NYAP2: variants seen among roughly 807,000 people sequenced by gnomAD.
NYAP2 encodes the protein neuronal tyrosine-phosphorylated phosphoinositide-3-kinase adaptor 2, also known as neuronal tyrosine-phosphorylated phosphoinositide-3-kinase adapter 2.
NYAP2 carries 23 observed loss-of-function variants against 50.4 expected under a neutral mutation model. That is an observed-to-expected ratio of 0.46 (90% CI 0.33 to 0.65). NYAP2 has a LOEUF of 0.65. Ranked by LOEUF, NYAP2 falls within the 30% of genes least tolerant of loss-of-function variation. NYAP2 has a pLI of 0.02. For missense variants in NYAP2, 885 were observed against 861.0 expected, an observed-to-expected ratio of 1.03 and a Z score of -0.35; for synonymous variants, 394 against 365.2, an observed-to-expected ratio of 1.08 and a Z score of -0.90.
chr2:225,426,661 A>G (rs1031101133), intron 3 of NYAP2, among the ~76,000 whole-genome samples: 1 of 152,218 alleles, frequency 6.6e-6, no homozygotes, highest in African/African-American at 2.4e-5. Flanking sequence ...CCAAAGTATG[A>G]AACGATTCTT....
At chr2:225,568,902 G>T (rs1050169963) in intron 4 of NYAP2, among the ~76,000 whole-genome samples, 1 of 152,124 alleles carries the variant, frequency 6.6e-6, no homozygotes, top group Non-Finnish European at 1.5e-5. Context: ...TACTCTGAAG[G>T]TTTCCTGAAA....
At chr2:225,540,025 A>G (rs1032636726) in intron 4 of NYAP2, among the ~76,000 whole-genome samples, 14 of 152,174 alleles carry the variant, frequency 9.2e-5, no homozygotes, top group African/African-American at 3.1e-4. Flanking sequence ...AACAAGCATC[A>G]CTTTTGCTCC....
the NYAP2 span, among the ~76,000 whole-genome samples, chr2:225,686,515 C>T: frequency 6.6e-6 from 1 of 152,120 alleles, no homozygotes; most frequent in Non-Finnish European, 1.5e-5. Context: ...CTTACAGAAG[C>T]ATAAATATGT....
chr2:225,414,269 T>C (rs1295859330), intron 3 of NYAP2, among the ~76,000 whole-genome samples: 1 of 152,202 alleles, frequency 6.6e-6, no homozygotes, highest in Non-Finnish European at 1.5e-5. Context: ...CTTAGTGTTT[T>C]TCTTAACAGC....
chr2:225,672,252 A>G, the NYAP2 span, among the ~76,000 whole-genome samples: 1 of 152,094 alleles, frequency 6.6e-6, no homozygotes, highest in Non-Finnish European at 1.5e-5. Flanking sequence ...TTCATCAGTT[A>G]TTTTAGCTAG....
At position 225,527,394 on chromosome 2, in the gene NYAP2, T is replaced by C. The variant is rs1048259435; in HGVS notation, c.523+13722T>C. ...TTGGGTTAGGAGTCAGCTCAGGATT[T>C]TCCAAGGCTTCAATCTAGGGTGTCA... On this transcript the variant is annotated intron_variant, in intron 4 of 6. Transcript: ENST00000636099. Among the ~76,000 whole-genome samples the C allele has an allele frequency of 2.6e-4, 39 of 152,218 alleles. 1 individual carries two copies. The highest frequency in any genetic ancestry group is 9.2e-4 in the African/African-American group (38 of 41,462).
chr2:225,500,551 AT>A lies in NYAP2; in HGVS notation c.222-12816del, dbSNP rs538114027. 3.3e-3 allele frequency among the ~76,000 whole-genome samples: 507 copies of A among 152,270 alleles called. 1 individual carries two copies. Among genetic ancestry groups the A allele is most frequent in the Non-Finnish European group, 5.7e-3 (389 of 68,008 alleles). On this transcript the variant is annotated intron_variant, in intron 3 of 6. Coordinates refer to ENST00000636099, the Ensembl canonical transcript of NYAP2. ...ATTTCACTGTGCTCAAATATTTTCAATTTTCAGGTACTTTCTATAAAGTCTT... is the reference window on the plus strand; with the variant it reads ...ATTTCACTGTGCTCAAATATTTTCAATTTCAGGTACTTTCTATAAAGTCTT...
chr2:225,469,218 C>T (rs961396622), intron 3 of NYAP2, among the ~76,000 whole-genome samples: 1 of 152,158 alleles, frequency 6.6e-6, no homozygotes, highest in Non-Finnish European at 1.5e-5. Context: ...TGGATAGACA[C>T]TTCTCAAAAT....
At chr2:225,505,112 T>C (rs1176308729) in intron 3 of NYAP2, among the ~76,000 whole-genome samples, 1 of 152,194 alleles carries the variant, frequency 6.6e-6, no homozygotes, top group Non-Finnish European at 1.5e-5. Context: ...TTTTTTCTTG[T>C]CATTTTATTT....
chr2:225,487,653 C>T (rs1346581873), intron 3 of NYAP2, among the ~76,000 whole-genome samples: 1 of 152,164 alleles, frequency 6.6e-6, no homozygotes, highest in Non-Finnish European at 1.5e-5. Context: ...AGCCACCACG[C>T]CTGGCAAACT....
At chr2:225,500,383 G>C in intron 3 of NYAP2, among the ~76,000 whole-genome samples, 1 of 152,136 alleles carries the variant, frequency 6.6e-6, no homozygotes, top group African/African-American at 2.4e-5. Flanking sequence ...TGCTTCCTTG[G>C]TAGTTCATTT....
rs11346817 is a variant in NYAP2 at position 225,548,886 on chromosome 2, A to ATTTTT, written c.524-33045_524-33041dup. Among the ~76,000 whole-genome samples the ATTTTT allele has an allele frequency of 1.6e-3, 238 of 146,682 alleles. 1 individual carries two copies. The highest frequency in any genetic ancestry group is 2.6e-3 in the Non-Finnish European group (175 of 66,264). On this transcript the variant is annotated intron_variant, in intron 4 of 6. Coordinates refer to ENST00000636099, the Ensembl canonical transcript of NYAP2. The stretch of plus-strand genomic sequence containing the variant: ...AAGTAAAATTTCTCAGAATGCAGCA[A>ATTTTT]TTTTTTTTTTTTTTGAGGCAGGGTC...
intron 5 of NYAP2, among the ~76,000 whole-genome samples, chr2:225,588,786 AGTT>A (rs1692436246): frequency 1.3e-5 from 2 of 152,186 alleles, no homozygotes; most frequent in Non-Finnish European, 2.9e-5. Flanking sequence ...ATGTTGAGCA[AGTT>A]GACCCGAACA....
In NYAP2 at chr2:225,627,057, C is replaced by A. The variant is rs1466181787; in HGVS notation, c.1759C>A (p.Pro587Thr). 4 of 1,597,546 alleles carry A rather than the reference C, an allele frequency of 2.5e-6. No individual in the cohort carries two copies. In the African/African-American group the frequency reaches 5.4e-5, roughly 21 times the overall value. ...GGAATGGGATGGAACACCAGGGACA[C>A]CTGTGGTCACCAGTCGACTAGGAAG... The change falls in exon 6 of 7, where the codon CCT becomes ACT. Residue 587 changes from proline to threonine, a missense_variant. Physicochemically the swap from Pro to Thr is conservative, Grantham distance 38. Transcript: ENST00000636099.
intron 5 of NYAP2, among the ~76,000 whole-genome samples, chr2:225,584,299 C>T (rs983865236): frequency 2.0e-5 from 3 of 152,150 alleles, no homozygotes; most frequent in African/African-American, 7.2e-5. Context: ...ATATAACTTA[C>T]AGAAAAGTCA....
chr2:225,590,999 G>A (rs974712583), intron 5 of NYAP2, among the ~76,000 whole-genome samples: 1 of 152,192 alleles, frequency 6.6e-6, no homozygotes, highest in African/African-American at 2.4e-5. Flanking sequence ...ACAGGAGCTG[G>A]TGCTGCTGGT....
At chr2:225,668,202 G>C in the NYAP2 span, among the ~76,000 whole-genome samples, 1 of 152,088 alleles carries the variant, frequency 6.6e-6, no homozygotes, top group Admixed American at 6.6e-5. Flanking sequence ...AGTCCAGAAC[G>C]ATTTTGCTTT....
chr2:225,630,656 G>C (rs1459700814), intron 6 of NYAP2, among the ~76,000 whole-genome samples: 1 of 152,234 alleles, frequency 6.6e-6, no homozygotes, highest in Non-Finnish European at 1.5e-5. Flanking sequence ...TGCATAAGCA[G>C]TAGATGGTGT....
At chr2:225,594,598 T>A (rs1692565048) in intron 5 of NYAP2, among the ~76,000 whole-genome samples, 1 of 152,178 alleles carries the variant, frequency 6.6e-6, no homozygotes, top group African/African-American at 2.4e-5. Context: ...ATTGCATAAA[T>A]CCACAAAGCT....
Sources: gnomAD v4.1 joint callset for allele counts (sites outside exome capture counted in the v4.1 genomes callset) on GRCh38, gnomAD v4.1.1 for gene constraint, MANE v1.5 for transcripts, NCBI Gene and HGNC (gene_info 2026-07-23, HGNC 2026-07-21) for gene names.